The following PTPRQ variants were observed in gnomAD, a reference collection of about 807,000 sequenced individuals.
PTPRQ encodes the protein phosphatidylinositol phosphatase PTPRQ.
PTPRQ carries 199 observed loss-of-function variants against 246.0 expected under a neutral mutation model. That is an observed-to-expected ratio of 0.81 (90% CI 0.72 to 0.91). The LOEUF (loss-of-function observed/expected upper bound fraction) is 0.91, where lower values mean the gene tolerates loss of function less well. PTPRQ is among the 40% of genes least tolerant of loss of function. The pLI is 0.00. For missense variants in PTPRQ, 2,624 were observed against 2,528.4 expected, an observed-to-expected ratio of 1.04 and a Z score of -0.81; for synonymous variants, 869 against 853.2, an observed-to-expected ratio of 1.02 and a Z score of -0.32.
Position 80,460,807 on chromosome 12 carries a change from A to G in PTPRQ, c.815A>G (p.His272Arg), listed in dbSNP as rs1280038698. Reference sequence around the variant, plus strand: ...GAGCCTATCAGTTTTGTAGTGACACACTTGAGACCTTATACAACATATCTT... The same window carrying G: ...GAGCCTATCAGTTTTGTAGTGACACGCTTGAGACCTTATACAACATATCTT... ...WKEPISFVVT[H>R]LRPYTTYLFE... Residue 272 changes from histidine (H) to arginine (R), a missense_variant, in exon 6 of 45, where the codon CAC (histidine) becomes CGC (arginine). By Grantham distance (29) the His-to-Arg change is conservative. Transcript: ENST00000644991. 4 of 400,618 alleles carry G rather than the reference A, an allele frequency of 1.0e-5. No individual in the cohort carries two copies. The highest frequency in any genetic ancestry group is 4.1e-5 in the African/African-American group (2 of 48,698). The allele number at this position is 400,618 out of a possible 1,614,324, so 24.8% of individuals were successfully genotyped here. A position where few individuals can be genotyped will look rare whatever the true frequency, so the allele number is the denominator to read the frequency against.
chr12:80,539,734 T>TA lies in PTPRQ; in HGVS notation c.2986-35dup, dbSNP rs368358262. 228 of 1,485,440 alleles carry TA rather than the reference T, an allele frequency of 1.5e-4. No homozygotes were observed. In the African/African-American group the frequency reaches 2.8e-3, roughly 18 times the overall value. The allele number at this position is 1,485,440 out of a possible 1,614,324, so 92.0% of individuals were successfully genotyped here. A position where few individuals can be genotyped will look rare whatever the true frequency, so the allele number is the denominator to read the frequency against. ...ATTAGTTTGAAGTGTTCATGCATAC[T>TA]AAAAAAATACATTCTGAACAATGAA... On this transcript the variant is annotated intron_variant, in intron 19 of 44. Transcript: ENST00000644991.
chr12:80,574,228 C>T (rs1264654146), intron 25 of PTPRQ, among the ~76,000 whole-genome samples: 1 of 151,928 alleles, frequency 6.6e-6, no homozygotes, highest in Non-Finnish European at 1.5e-5. Flanking sequence ...TTCTTTTATT[C>T]GTGGTTTGCA....
intron 3 of PTPRQ, among the ~76,000 whole-genome samples, chr12:80,455,657 C>T: frequency 6.7e-6 from 1 of 149,770 alleles, no homozygotes; most frequent in South Asian, 2.2e-4. Context: ...GTGGCCCGAT[C>T]TCGGCTCACT....
chr12:80,453,249 T>G (rs4460866), intron 3 of PTPRQ, among the ~76,000 whole-genome samples: 4 of 152,226 alleles, frequency 2.6e-5, no homozygotes, highest in African/African-American at 9.6e-5. Flanking sequence ...ATATTCGTTA[T>G]TCTAGTTATA....
At chr12:80,515,265 A>T (rs1895257676) in intron 17 of PTPRQ, among the ~76,000 whole-genome samples, 1 of 152,088 alleles carries the variant, frequency 6.6e-6, no homozygotes, top group South Asian at 2.1e-4. Flanking sequence ...ACACTCAGTT[A>T]TCTTTGGTTC....
chr12:80,497,711 A>G (rs1200671703), intron 14 of PTPRQ, among the ~76,000 whole-genome samples: 2 of 152,122 alleles, frequency 1.3e-5, no homozygotes, highest in African/African-American at 4.8e-5. Context: ...TATTGGTGGC[A>G]TAACTATTAG....
intron 17 of PTPRQ, among the ~76,000 whole-genome samples, chr12:80,515,237 G>T (rs1285386687): frequency 6.6e-6 from 1 of 151,964 alleles, no homozygotes; most frequent in Non-Finnish European, 1.5e-5. Context: ...TGAGACATGG[G>T]TTTGAATCTT....
intron 3 of PTPRQ, among the ~76,000 whole-genome samples, chr12:80,453,037 C>T (rs1237183399): frequency 6.6e-6 from 1 of 152,066 alleles, no homozygotes; most frequent in Non-Finnish European, 1.5e-5. Context: ...TCACATAGTC[C>T]CGTATTTCTT....
chr12:80,541,191 C>A (rs891654888), intron 20 of PTPRQ, among the ~76,000 whole-genome samples: 6 of 151,574 alleles, frequency 4.0e-5, no homozygotes, highest in African/African-American at 1.5e-4. Flanking sequence ...AAGAAATAAG[C>A]TAAAAAGATG....
At chr12:80,667,107 T>G (rs536989583) in intron 39 of PTPRQ, among the ~76,000 whole-genome samples, 108 of 152,088 alleles carry the variant, frequency 7.1e-4, no homozygotes, top group Middle Eastern at 3.4e-3. Context: ...ACTCCCTGCT[T>G]TTTCTAGCCA....
intron 19 of PTPRQ, among the ~76,000 whole-genome samples, chr12:80,536,392 C>A (rs1895989322): frequency 6.6e-6 from 1 of 152,070 alleles, no homozygotes. Context: ...ATGAAGAGGG[C>A]AAGAGCAGAA....
chr12:80,536,633 T>C (rs61951992), intron 19 of PTPRQ, among the ~76,000 whole-genome samples: 8,272 of 152,302 alleles, frequency 0.054, 293 homozygotes, highest in East Asian at 0.16. Flanking sequence ...TTTGAACAAA[T>C]GCCTTAAGAG....
At chr12:80,618,355 T>C (rs1281808989) in intron 30 of PTPRQ, among the ~76,000 whole-genome samples, 1 of 134,538 alleles carries the variant, frequency 7.4e-6, no homozygotes, top group Non-Finnish European at 1.6e-5. Context: ...GCTCAAGCAC[T>C]ACATTCACAC....
chr12:80,604,965 T>G (rs1195345417), intron 26 of PTPRQ, 94 bp from the exon 27 acceptor site: 2 of 1,223,398 alleles, frequency 1.6e-6, no homozygotes, highest in East Asian at 5.8e-5. Flanking sequence ...ATTAATTTAT[T>G]ATGACTATCC....
intron 17 of PTPRQ, among the ~76,000 whole-genome samples, chr12:80,531,830 A>G (rs1895853039): frequency 1.3e-5 from 2 of 152,206 alleles, no homozygotes; most frequent in Non-Finnish European, 2.9e-5. Context: ...AAATTTTTTT[A>G]GCTTAATTTT....
intron 16 of PTPRQ, among the ~76,000 whole-genome samples, chr12:80,509,846 T>C (rs902541261): frequency 6.6e-6 from 1 of 152,108 alleles, no homozygotes; most frequent in Non-Finnish European, 1.5e-5. Context: ...GATTGAGGAA[T>C]GTAGTTTTCA....
Position 80,619,035 on chromosome 12 carries a change from G to T in PTPRQ, c.5231-349G>T, listed in dbSNP as rs546478026. ...AGTAAACCAGCTAAAAGAAGCAAAA[G>T]AAACTACACTAAAATTATAGTAAAA... On this transcript the variant is annotated intron_variant, in intron 30 of 44. Transcript: ENST00000644991. Among the ~76,000 whole-genome samples the T allele has an allele frequency of 7.9e-5, 12 of 151,480 alleles. No individual in the cohort carries two copies. In the East Asian group the frequency reaches 2.3e-3, roughly 30 times the overall value.
rs1897678443 is a variant in PTPRQ at position 80,588,153 on chromosome 12, C to A, written c.4310C>A (p.Ala1437Asp). Residue 1437 changes from alanine (A) to aspartate (D), a missense_variant, in exon 26 of 45, where the codon GCT (alanine) becomes GAT (aspartate). By Grantham distance (126) the Ala-to-Asp change is moderately radical. Transcript: ENST00000644991. ...GTTCCCAGTGTTCCCACAAATATTGCTTTTTCTGATGTTCAGTCAACTAGT... is the reference window on the plus strand; with the variant it reads ...GTTCCCAGTGTTCCCACAAATATTGATTTTTCTGATGTTCAGTCAACTAGT... ...ETVPSVPTNI[A>D]FSDVQSTSAT... The A allele has an allele frequency of 1.3e-6, 2 of 1,528,478 alleles. No homozygotes were observed. The highest frequency in any genetic ancestry group is 2.5e-5 in the South Asian group (2 of 79,922). 94.7% of individuals were successfully genotyped at this position (1,528,478 alleles called of 1,614,324 possible). A position where few individuals can be genotyped will look rare whatever the true frequency, so the allele number is the denominator to read the frequency against.
At position 80,632,280 on chromosome 12, in the gene PTPRQ, T is replaced by A; in HGVS notation, c.5775T>A (p.Phe1925Leu). Residue 1925 changes from phenylalanine to leucine, a missense_variant, in exon 34 of 45, where the codon TTT becomes TTA. Phe to Leu is a conservative substitution (Grantham distance 22). Transcript: ENST00000644991. ...TAATTCTCCTTGGAACAGCTATTTT[T>A]GCATTTGCAAGGTAAGATTTATTTG... ...LSIILLGTAI[F>L]AFARIRQKQK... The A allele has an allele frequency of 6.4e-7, 1 of 1,551,354 alleles. No homozygotes were observed. Among genetic ancestry groups the A allele is most frequent in the Non-Finnish European group, 8.7e-7 (1 of 1,146,850 alleles).
Sources: allele counts gnomAD v4.1 joint callset (sites outside exome capture counted in the v4.1 genomes callset), GRCh38; gene constraint gnomAD v4.1.1; transcripts MANE v1.5; gene names NCBI Gene and HGNC (gene_info 2026-07-23, HGNC 2026-07-21).